RINT1: variants seen among roughly 807,000 people sequenced by gnomAD.
RINT1 encodes the protein RAD50 interactor 1.
Under a neutral mutation model 97.7 loss-of-function variants are expected in RINT1, and 75 were observed. That is an observed-to-expected ratio of 0.77 (90% CI 0.64 to 0.93). RINT1 has a LOEUF of 0.93. RINT1 is among the 40% of genes least tolerant of loss of function. RINT1 has a pLI of 0.00. For synonymous variants in RINT1, 303 were observed against 326.3 expected (o/e 0.93, Z 0.77); for missense variants, 892 against 925.2 (o/e 0.96, Z 0.47).
intron 7 of RINT1, among the ~76,000 whole-genome samples, chr7:105,549,042 CA>C (rs1340542313): frequency 2.0e-5 from 3 of 151,264 alleles, no homozygotes; most frequent in African/African-American, 7.3e-5. Context: ...GGCTGGAGTG[CA>C]GTGGCACAAT....
At chr7:105,542,171 GAA>G (rs1040559152) in intron 3 of RINT1, 183 of 289,766 alleles carry the variant, frequency 6.3e-4, no homozygotes, top group Middle Eastern at 9.9e-4. Flanking sequence ...TCTATTTAAA[GAA>G]AAAAAAAAAA....
At chr7:105,532,912 A>G (rs1478990671) in intron 2 of RINT1, 43 bp downstream of exon 2, 1 of 1,595,364 alleles carries the variant, frequency 6.3e-7, no homozygotes, top group Non-Finnish European at 8.6e-7. Context: ...TCCCGCCCAA[A>G]CTCAGCCTTC....
At chr7:105,540,510 C>T (rs147582602) in intron 3 of RINT1, among the ~76,000 whole-genome samples, 2 of 152,252 alleles carry the variant, frequency 1.3e-5, no homozygotes, top group African/African-American at 4.8e-5. Flanking sequence ...GATCCACCAG[C>T]TTCTGCCTCC....
chr7:105,547,718 C>CT (rs34938925), intron 6 of RINT1, among the ~76,000 whole-genome samples: 10,997 of 116,144 alleles, frequency 0.095, 1,931 homozygotes, highest in African/African-American at 0.32. Flanking sequence ...CATTTTTGTG[C>CT]TTTTTTTTTT....
chr7:105,555,066 C>T lies in RINT1; in HGVS notation c.1510C>T (p.Gln504Ter). 1 of 1,613,932 alleles carries T rather than the reference C, an allele frequency of 6.2e-7. No individual in the cohort carries two copies. Among genetic ancestry groups the T allele is most frequent in the Non-Finnish European group, 8.5e-7 (1 of 1,179,958 alleles). The change falls in exon 11 of 15, where the codon CAG (glutamine) becomes TAG (stop). Residue 504 changes from glutamine (Q) to a stop codon, truncating the protein, a stop_gained. Coordinates refer to ENST00000257700, the MANE Select transcript of RINT1 (RefSeq NM_021930.6). LOFTEE classifies it high-confidence loss of function. The stretch of plus-strand genomic sequence containing the variant: ...TCTTCCCACAGCTTCCCGAAAGCTT[C>T]AGTTCCTGGAGTTACAGAAGGACTT... Reference protein sequence around the residue: ...KNLPTASRKLQFLELQKDLVD... With the variant: ...KNLPTASRKL
At position 105,547,336 on chromosome 7, in the gene RINT1, A is replaced by C. The variant is rs538561688; in HGVS notation, c.839+3A>C. Reference sequence around the variant, plus strand: ...CAGCTTTTGAAACTACAAACCTCGTATCTTTGTTGCAGCTGAAAACTTACT... The same window carrying C: ...CAGCTTTTGAAACTACAAACCTCGTCTCTTTGTTGCAGCTGAAAACTTACT... On this transcript the variant is annotated splice_donor_region_variant and intron_variant, in intron 6 of 14. Coordinates refer to ENST00000257700, the MANE Select transcript of RINT1 (RefSeq NM_021930.6). 4.3e-6 allele frequency: 7 copies of C among 1,613,544 alleles called. No homozygotes were observed. Among genetic ancestry groups the C allele is most frequent in the Non-Finnish European group, 5.9e-6 (7 of 1,179,826 alleles).
chr7:105,554,460 A>G (rs1162133754), intron 10 of RINT1, among the ~76,000 whole-genome samples: 2 of 141,950 alleles, frequency 1.4e-5, no homozygotes, highest in African/African-American at 5.3e-5. Context: ...TTTTTGTTAG[A>G]TGGAGTCTCA....
In RINT1 at chr7:105,567,102, T is replaced by A; in HGVS notation, c.2187-17T>A. The A allele has an allele frequency of 6.8e-7, 1 of 1,466,198 alleles. No homozygotes were observed. The highest frequency in any genetic ancestry group is 2.4e-5 in the East Asian group (1 of 41,058). 90.8% of individuals were successfully genotyped at this position (1,466,198 alleles called of 1,614,324 possible). A position where few individuals can be genotyped will look rare whatever the true frequency, so the allele number is the denominator to read the frequency against. The stretch of plus-strand genomic sequence containing the variant: ...ATAATGGAGATCTCATTTCCCTCCT[T>A]TGTTTTCCCTAAACAGTATAAAAGA... On this transcript the variant is annotated splice_polypyrimidine_tract_variant and intron_variant, in intron 14 of 14. Coordinates refer to ENST00000257700, the MANE Select transcript of RINT1 (RefSeq NM_021930.6).
intron 1 of RINT1, 97 bp from the exon 2 acceptor site, chr7:105,532,727 C>A: frequency 7.8e-7 from 1 of 1,287,178 alleles, no homozygotes; most frequent in Non-Finnish European, 1.1e-6. Flanking sequence ...GCGTCTGGAA[C>A]CTCTCTTGCC....
chr7:105,555,257 T>C, intron 11 of RINT1, 30 bp downstream of exon 11: 1 of 1,542,516 alleles, frequency 6.5e-7, no homozygotes. Flanking sequence ...TATTAAGTAA[T>C]ATATACTAGT....
At chr7:105,546,884 A>G in intron 4 of RINT1, 26 bp from the exon 5 acceptor site, 2 of 1,560,026 alleles carry the variant, frequency 1.3e-6, no homozygotes, top group Non-Finnish European at 1.7e-6. Flanking sequence ...CAAAAGAAAA[A>G]AAAATTTGCT....
chr7:105,542,731 A>G, intron 4 of RINT1, 82 bp downstream of exon 4: 1 of 1,314,964 alleles, frequency 7.6e-7, no homozygotes, highest in South Asian at 1.8e-5. Context: ...GCCATTAAAT[A>G]ATTGAGTTAA....
rs997658204 is a variant in RINT1, at chr7:105,565,547, C to A, written c.2085C>A (p.His695Gln). The A allele has an allele frequency of 2.9e-5, 46 of 1,613,478 alleles. No individual in the cohort carries two copies. The highest frequency in any genetic ancestry group is 3.7e-5 in the Non-Finnish European group (44 of 1,179,678). ...TGTTTCAGATAATTCTTGCTAATCACTTCAATGAAGGAGGAGCAGCCCAGC... is the reference window on the plus strand; with the variant it reads ...TGTTTCAGATAATTCTTGCTAATCAATTCAATGAAGGAGGAGCAGCCCAGC... ...YIYQEIILAN[H>Q]FNEGGAAQLQ... is the part of the protein sequence containing the mutation. Residue 695 changes from histidine to glutamine, a missense_variant, in exon 14 of 15, where the codon CAC becomes CAA. His to Gln is a conservative substitution (Grantham distance 24). Coordinates refer to ENST00000257700, the MANE Select transcript of RINT1 (RefSeq NM_021930.6).
rs761778810 is a variant in RINT1, at chr7:105,567,328, G to T, written c.*17G>T. 1.4e-5 allele frequency: 21 copies of T among 1,545,868 alleles called. No homozygotes were observed. In the South Asian group the frequency reaches 2.4e-4, roughly 18 times the overall value. On this transcript the variant is annotated 3_prime_UTR_variant, in exon 15 of 15. Transcript: ENST00000257700. ...GGAAAATAATGTCTTTCAGAAAAAG[G>T]TTTCTTTGGTTTTTGTTTCTAAGAA...
Position 105,551,564 on chromosome 7 carries a change from TA to T in RINT1, c.1334-5del, listed in dbSNP as rs1344525472. ...AATTGACATAATTGTTTTGTCTGCT[TA>T]TCAGTTGCTCTTCAAAAAATGGACT... On this transcript the variant is annotated splice_region_variant and splice_polypyrimidine_tract_variant and intron_variant, in intron 9 of 14. Coordinates refer to ENST00000257700, the MANE Select transcript of RINT1 (RefSeq NM_021930.6). The T allele has an allele frequency of 2.0e-5, 32 of 1,589,358 alleles. No homozygotes were observed. The highest frequency in any genetic ancestry group is 2.6e-5 in the Non-Finnish European group (30 of 1,168,022).
At position 105,550,287 on chromosome 7, in the gene RINT1, G is replaced by T. The variant is rs1467756055; in HGVS notation, c.1134G>T (p.Met378Ile). The T allele has an allele frequency of 6.2e-7, 1 of 1,613,876 alleles. No homozygotes were observed. Among genetic ancestry groups the T allele is most frequent in the Admixed American group, 1.7e-5 (1 of 59,984 alleles). Reference sequence around the variant, plus strand: ...TTGAATTTTCTCGGGGCCTTATGATGCTGGTTCTTGAGAAGTTAGCCACTG... The same window carrying T: ...TTGAATTTTCTCGGGGCCTTATGATTCTGGTTCTTGAGAAGTTAGCCACTG... The part of the protein sequence containing the change: ...ARLEFSRGLM[M>I]LVLEKLATDI... The change falls in exon 9 of 15, where the codon ATG becomes ATT. Residue 378 changes from methionine (M) to isoleucine (I), a missense_variant. Transcript: ENST00000257700.
chr7:105,545,639 C>T (rs1053802880), intron 4 of RINT1, among the ~76,000 whole-genome samples: 20 of 151,770 alleles, frequency 1.3e-4, no homozygotes, highest in Admixed American at 1.2e-3. Context: ...AATTCTCCTG[C>T]CTCAGCCTCC....
At chr7:105,554,848 T>G (rs962959211) in intron 10 of RINT1, among the ~76,000 whole-genome samples, 180 bp from the exon 11 acceptor site, 2 of 152,166 alleles carry the variant, frequency 1.3e-5, no homozygotes, top group South Asian at 4.1e-4. Context: ...TCAATGAGTT[T>G]TGGCAAATGT....
intron 2 of RINT1, among the ~76,000 whole-genome samples, chr7:105,534,134 G>T (rs1274904380): frequency 6.6e-6 from 1 of 151,660 alleles, no homozygotes; most frequent in Non-Finnish European, 1.5e-5. Context: ...GCAGTGGCGC[G>T]ATCTCGCCTT....
Sources: gnomAD v4.1 joint callset for allele counts (sites outside exome capture counted in the v4.1 genomes callset) on GRCh38, gnomAD v4.1.1 for gene constraint, MANE v1.5 for transcripts, NCBI Gene and HGNC (gene_info 2026-07-23, HGNC 2026-07-21) for gene names.